Variants in PCNX2 observed in about 807,000 individuals in gnomAD.
PCNX2 encodes pecanex-like protein 2.
A neutral mutation model predicts 223.8 loss-of-function variants in PCNX2; 168 were observed. The observed-to-expected ratio is 0.75, with a 90% CI of 0.66 to 0.85. The LOEUF is 0.85. Ranked by LOEUF, PCNX2 falls within the 40% of genes least tolerant of loss-of-function variation. The pLI is 0.00. For missense variants in PCNX2, 2,507 were observed against 2,675.5 expected (o/e 0.94, Z 1.39); for synonymous variants, 1,006 against 1,052.6 (o/e 0.96, Z 0.86).
rs1672248387 is a variant in PCNX2 at position 233,057,836 on chromosome 1, G to A, written c.4077-546C>T. The A allele has an allele frequency of 3.3e-5, 32 of 971,598 alleles. 1 individual carries two copies. The South Asian group carries it at 1.5e-3, about 46-fold the overall frequency. The allele number at this position is 971,598 out of a possible 1,614,324, so 60.2% of individuals were successfully genotyped here. The stretch of plus-strand genomic sequence containing the variant: ...GATTGCACCACTGCACTCCAACCTG[G>A]GTGACAGAGCAAGACTCAAAAAAAA... On this transcript the variant is annotated intron_variant, in intron 23 of 33. Coordinates refer to ENST00000258229, the MANE Select transcript of PCNX2 (RefSeq NM_014801.4).
chr1:233,085,019 C>T (rs537805678), intron 23 of PCNX2, among the ~76,000 whole-genome samples: 2 of 152,288 alleles, frequency 1.3e-5, no homozygotes, highest in South Asian at 4.1e-4. Context: ...TGACATAATA[C>T]TGTTAGACTT....
chr1:233,270,041 G>C (rs1660566044), intron 1 of PCNX2, among the ~76,000 whole-genome samples: 2 of 151,958 alleles, frequency 1.3e-5, no homozygotes, highest in Non-Finnish European at 2.9e-5. Flanking sequence ...GAGCACCTTT[G>C]TCCATCTGGT....
chr1:233,280,046 A>G (rs2884217), intron 1 of PCNX2, among the ~76,000 whole-genome samples: 13,828 of 152,024 alleles, frequency 0.091, 819 homozygotes, highest in South Asian at 0.17. Flanking sequence ...GTCTATATAT[A>G]TCTTCTGCTT....
chr1:233,100,925 A>G (rs1473869347), intron 21 of PCNX2, among the ~76,000 whole-genome samples: 4 of 152,206 alleles, frequency 2.6e-5, no homozygotes, highest in African/African-American at 9.7e-5. Flanking sequence ...AGCTTCAGTT[A>G]ATTTCACCCC....
intron 25 of PCNX2, among the ~76,000 whole-genome samples, chr1:233,039,968 T>G (rs1486672757): frequency 6.6e-6 from 1 of 152,194 alleles, no homozygotes; most frequent in Non-Finnish European, 1.5e-5. Flanking sequence ...ACTGTAAATA[T>G]TTGATTGATG....
rs536208418 is a variant in PCNX2 at position 232,984,331 on chromosome 1, C to A, written c.6387G>T (p.Ser2129=). 4.3e-6 allele frequency: 7 copies of A among 1,609,500 alleles called. No homozygotes were observed. The African/African-American group carries it at 5.3e-5, about 12-fold the overall frequency. The change falls in exon 34 of 34, where the codon TCG becomes TCT. Residue 2129 remains serine, a synonymous_variant. Transcript: ENST00000258229. The part of the protein sequence containing the change: ...QEDMGLDDTA[S]QQSVSDEQ ...ACTGCTCGTCTGACACACTTTGCTG[C>A]GAGGCCGTGTCGTCCAGGCCCATGT...
rs1333814482 is a variant in PCNX2 at position 233,258,832 on chromosome 1, G to A, written c.1030C>T (p.His344Tyr). ...CTATCTGAGGAGTCCACTTCCTGGTGCAAGGGCAGGTCCCCCTGGCAGGAG... is the reference window on the plus strand; with the variant it reads ...CTATCTGAGGAGTCCACTTCCTGGTACAAGGGCAGGTCCCCCTGGCAGGAG... The part of the protein sequence containing the change: ...DTSCQGDLPL[H>Y]QEVDSSDSEV... Residue 344 changes from histidine (H) to tyrosine (Y), a missense_variant, in exon 5 of 34, where the codon CAC becomes TAC. By Grantham distance (83) the His-to-Tyr change is moderately conservative (BLOSUM62 2). Coordinates refer to ENST00000258229, the MANE Select transcript of PCNX2 (RefSeq NM_014801.4). The A allele has an allele frequency of 3.1e-6, 5 of 1,613,846 alleles. No individual in the cohort carries two copies. Among genetic ancestry groups the A allele is most frequent in the African/African-American group, 2.7e-5 (2 of 74,920 alleles).
chr1:233,206,342 T>TC (rs1272497231), intron 13 of PCNX2, among the ~76,000 whole-genome samples: 2 of 139,602 alleles, frequency 1.4e-5, no homozygotes, highest in Non-Finnish European at 3.2e-5. Flanking sequence ...AGCTGTGGAC[T>TC]CCAACACTGC....
At chr1:233,079,303 T>A (rs1673244387) in intron 23 of PCNX2, among the ~76,000 whole-genome samples, 1 of 151,996 alleles carries the variant, frequency 6.6e-6, no homozygotes, top group Non-Finnish European at 1.5e-5. Context: ...GGCGAGCAGA[T>A]CACGAGGTCA....
intron 23 of PCNX2, among the ~76,000 whole-genome samples, chr1:233,073,634 C>G (rs1214100059): frequency 6.6e-6 from 1 of 151,850 alleles, no homozygotes; most frequent in African/African-American, 2.4e-5. Context: ...TTTTTAGAGG[C>G]AGGGTCTTGC....
At chr1:233,136,316 A>C (rs1287732179) in intron 20 of PCNX2, among the ~76,000 whole-genome samples, 1 of 152,194 alleles carries the variant, frequency 6.6e-6, no homozygotes, top group Non-Finnish European at 1.5e-5. Context: ...AACCTAGAAG[A>C]ATCTTGGACT....
rs752185428 is a variant in PCNX2 at position 233,259,190 on chromosome 1, G to A, written c.672C>T (p.Ile224=). 11 of 1,613,954 alleles carry A rather than the reference G, an allele frequency of 6.8e-6. No homozygotes were observed. In the South Asian group the frequency reaches 1.2e-4, roughly 18 times the overall value. The part of the protein sequence containing the change: ...PVKPVATETL[I]NGKGKERGGK... Reference sequence around the variant, plus strand: ...CTCCTCTTTCCTTTCCTTTACCATTGATGAGAGTTTCTGTGGCAACTGGTT... The same window carrying A: ...CTCCTCTTTCCTTTCCTTTACCATTAATGAGAGTTTCTGTGGCAACTGGTT... The change falls in exon 5 of 34, where the codon ATC becomes ATT. Residue 224 remains isoleucine, a synonymous_variant. Coordinates refer to ENST00000258229, the MANE Select transcript of PCNX2 (RefSeq NM_014801.4).
chr1:233,161,029 C>G (rs947424351), intron 18 of PCNX2, among the ~76,000 whole-genome samples: 1 of 152,188 alleles, frequency 6.6e-6, no homozygotes, highest in Non-Finnish European at 1.5e-5. Flanking sequence ...GCAAACAAAA[C>G]AGCTCCCCAG....
intron 25 of PCNX2, among the ~76,000 whole-genome samples, chr1:233,037,211 G>A (rs975095231): frequency 1.3e-5 from 2 of 152,150 alleles, no homozygotes; most frequent in South Asian, 2.1e-4. Flanking sequence ...CCAAAACAAC[G>A]AATAGGATCG....
rs117707688 is a variant in PCNX2, at chr1:233,031,587, C to T, written c.4352-6188G>A. Among the ~76,000 whole-genome samples the T allele has an allele frequency of 3.3e-5, 5 of 152,228 alleles. No individual in the cohort carries two copies. In the East Asian group the frequency reaches 9.7e-4, roughly 29 times the overall value. On this transcript the variant is annotated intron_variant, in intron 25 of 33. Coordinates refer to ENST00000258229, the MANE Select transcript of PCNX2 (RefSeq NM_014801.4). Reference sequence around the variant, plus strand: ...ACCATAATATGCCAGAGATTGAAAACTACAACCTTCAAATCGTAATGCACA... The same window carrying T: ...ACCATAATATGCCAGAGATTGAAAATTACAACCTTCAAATCGTAATGCACA...
At chr1:233,131,992 A>G (rs1209164661) in intron 21 of PCNX2, among the ~76,000 whole-genome samples, 1 of 150,672 alleles carries the variant, frequency 6.6e-6, no homozygotes, top group Non-Finnish European at 1.5e-5. Context: ...GCTGGAGTGC[A>G]GTGGTGGGAT....
In PCNX2 at chr1:233,262,091, C is replaced by G; in HGVS notation, c.434G>C (p.Ser145Thr). ...AGAGGTTATGCTTTGCCCTCTGGAG[C>G]TGCAGCGGAGGGGAGGCGTGGAGAG... The part of the protein sequence containing the change: ...RNLSTPPLRC[S>T]SRGQSITSHH... The change falls in exon 3 of 34, where the codon AGC becomes ACC. Residue 145 changes from serine to threonine, a missense_variant. Around this residue, in one of 3 missense-constraint regions of PCNX2, gnomAD observed 1,031 missense variants for 1,021.7 expected, o/e 1.01. Coordinates refer to ENST00000258229, the MANE Select transcript of PCNX2 (RefSeq NM_014801.4). 1 of 1,613,900 alleles carries G rather than the reference C, an allele frequency of 6.2e-7. No individual in the cohort carries two copies. The highest frequency in any genetic ancestry group is 8.5e-7 in the Non-Finnish European group (1 of 1,179,818).
At chr1:233,316,613 G>A in the PCNX2 span, among the ~76,000 whole-genome samples, 1 of 152,096 alleles carries the variant, frequency 6.6e-6, no homozygotes, top group African/African-American at 2.4e-5. Flanking sequence ...ATAATGAACT[G>A]GGCCTTCAGA....
At chr1:233,003,344 T>A (rs1445436152) in intron 28 of PCNX2, among the ~76,000 whole-genome samples, 9 of 152,298 alleles carry the variant, frequency 5.9e-5, no homozygotes, top group Middle Eastern at 3.4e-3. Context: ...GAGCAAAGGA[T>A]ATGAACAGAT....
Sources: allele counts gnomAD v4.1 joint callset (sites outside exome capture counted in the v4.1 genomes callset), GRCh38; gene constraint gnomAD v4.1.1; regional missense constraint gnomAD v4.1.1; transcripts MANE v1.5; gene names NCBI Gene and HGNC (gene_info 2026-07-23, HGNC 2026-07-21).